Variants in GALNT18 observed in about 807,000 individuals in gnomAD.
GALNT18 encodes GalNAc-transferase 18.
GALNT18 carries 44 observed loss-of-function variants against 69.5 expected under a neutral mutation model. The ratio of observed to expected loss-of-function variants is 0.63; its 90% CI spans 0.50 to 0.81. The LOEUF (loss-of-function observed/expected upper bound fraction) is 0.81. Ranked by LOEUF, GALNT18 falls within the 40% of genes least tolerant of loss-of-function variation. The probability of loss-of-function intolerance (pLI) is 0.00; values close to 1 mark genes in which losing one functional copy is unlikely to be tolerated. For missense variants in GALNT18, 715 were observed against 810.0 expected (o/e 0.88, Z 1.42); for synonymous variants, 364 against 318.2 (o/e 1.14, Z -1.53).
chr11:11,316,667 T>C (rs1012640763), intron 9 of GALNT18, among the ~76,000 whole-genome samples: 3 of 152,146 alleles, frequency 2.0e-5, no homozygotes, highest in Admixed American at 6.5e-5. Flanking sequence ...TACCTTTCCA[T>C]AGAAAAAGCA....
rs576148638 is a variant in GALNT18 at position 11,401,173 on chromosome 11, A to T, written c.596-21909T>A. On this transcript the variant is annotated intron_variant, in intron 3 of 10. Coordinates refer to ENST00000227756, the MANE Select transcript of GALNT18 (RefSeq NM_198516.3). ...CCCAAACTCCATTCCGTCAGGAAAA[A>T]GGATGCTTCTGGATCCTTTGCAAAC... Among the ~76,000 whole-genome samples the T allele has an allele frequency of 4.6e-5, 7 of 152,288 alleles. No individual in the cohort carries two copies. The South Asian group carries it at 8.3e-4, about 18-fold the overall frequency.
intron 10 of GALNT18, among the ~76,000 whole-genome samples, chr11:11,288,959 A>G (rs568876261): frequency 4.7e-4 from 72 of 152,360 alleles, no homozygotes; most frequent in African/African-American, 1.7e-3. Context: ...TAAATAGTGC[A>G]TAATGTGAAA....
Position 11,372,581 on chromosome 11 carries a change from C to A in GALNT18, c.1026G>T (p.Gln342His). Residue 342 changes from glutamine to histidine, a missense_variant, in exon 6 of 11, where the codon CAG becomes CAT. Coordinates refer to ENST00000227756, the MANE Select transcript of GALNT18 (RefSeq NM_198516.3). This position sits in a 1 kb window ranked among gnomAD's most constrained non-coding sequence, Gnocchi z 4.9. The part of the protein sequence containing the change: ...GCFIVDRQYF[Q>H]EIGLLDEGME... ...TGCCTTCGTCCAGCAGGCCGATCTC[C>A]TGGAAGTACTGCCGGTCCACAATGA... The A allele has an allele frequency of 6.2e-7, 1 of 1,614,232 alleles. No individual in the cohort carries two copies. The highest frequency in any genetic ancestry group is 8.5e-7 in the Non-Finnish European group (1 of 1,180,040).
rs567035987 is a variant in GALNT18 at position 11,470,782 on chromosome 11, G to A, written c.236-21846C>T. On this transcript the variant is annotated intron_variant, in intron 1 of 10. Coordinates refer to ENST00000227756, the MANE Select transcript of GALNT18 (RefSeq NM_198516.3). The surrounding 1 kb of genome is among the most constrained non-coding windows in gnomAD (Gnocchi z 4.8). ...TCTCCCCAGACTACAGAACAGGAAG[G>A]ACTGCCAGGAAGTCAGGTACCATGG... Among the ~76,000 whole-genome samples, 1 of 152,098 alleles carries A rather than the reference G, an allele frequency of 6.6e-6. No individual in the cohort carries two copies. Among genetic ancestry groups the A allele is most frequent in the Non-Finnish European group, 1.5e-5 (1 of 68,020 alleles).
intron 3 of GALNT18, among the ~76,000 whole-genome samples, chr11:11,386,108 A>G (rs1238229780): frequency 2.6e-5 from 4 of 152,200 alleles, no homozygotes; most frequent in African/African-American, 9.7e-5. Context: ...CTCCGGAAGT[A>G]TGAAACAATG....
intron 6 of GALNT18, among the ~76,000 whole-genome samples, chr11:11,364,558 G>C (rs887190546): frequency 6.3e-4 from 88 of 140,242 alleles, no homozygotes; most frequent in Non-Finnish European, 1.2e-3. Context: ...CAAGAGGGGG[G>C]GAAAAAGAGA....
intron 6 of GALNT18, among the ~76,000 whole-genome samples, chr11:11,362,076 G>A (rs941151580): frequency 6.6e-6 from 1 of 152,122 alleles, no homozygotes; most frequent in African/African-American, 2.4e-5. Flanking sequence ...AAAACAGTGA[G>A]GAAAGATATT....
In GALNT18 at chr11:11,592,995, A is replaced by C. The variant is rs906702456; in HGVS notation, c.235+28364T>G. Among the ~76,000 whole-genome samples the C allele has an allele frequency of 1.3e-5, 2 of 152,016 alleles. No homozygotes were observed. Among genetic ancestry groups the C allele is most frequent in the Non-Finnish European group, 2.9e-5 (2 of 67,996 alleles). On this transcript the variant is annotated intron_variant, in intron 1 of 10. Coordinates refer to ENST00000227756, the MANE Select transcript of GALNT18 (RefSeq NM_198516.3). The surrounding 1 kb of genome is among the most constrained non-coding windows in gnomAD (Gnocchi z 5.9). Reference sequence around the variant, plus strand: ...CAGTGGCGCAATCTCAGCTCACTGCAAGCTGCGCCTCTCGGGTTCACGCCA... The same window carrying C: ...CAGTGGCGCAATCTCAGCTCACTGCCAGCTGCGCCTCTCGGGTTCACGCCA...
rs1050226929 is a variant in GALNT18 at position 11,586,247 on chromosome 11, G to T, written c.235+35112C>A. Among the ~76,000 whole-genome samples the T allele has an allele frequency of 6.6e-6, 1 of 152,106 alleles. No homozygotes were observed. Among genetic ancestry groups the T allele is most frequent in the Non-Finnish European group, 1.5e-5 (1 of 68,012 alleles). On this transcript the variant is annotated intron_variant, in intron 1 of 10. Coordinates refer to ENST00000227756, the MANE Select transcript of GALNT18 (RefSeq NM_198516.3). The surrounding 1 kb of genome is among the most constrained non-coding windows in gnomAD (Gnocchi z 4.1). ...TGTAGTTCTTTTTCACAAAAAGTGT[G>T]CTACTTATGTTAATTTATGTAATTG...
At position 11,505,471 on chromosome 11, in the gene GALNT18, C is replaced by A. The variant is rs1857052004; in HGVS notation, c.236-56535G>T. Among the ~76,000 whole-genome samples the A allele has an allele frequency of 6.6e-6, 1 of 152,082 alleles. No individual in the cohort carries two copies. Among genetic ancestry groups the A allele is most frequent in the Non-Finnish European group, 1.5e-5 (1 of 68,004 alleles). ...TCACAGCACTCTCTCCAGTGTCACC[C>A]AGAAACAACCTGCTCAGCAAAGAGC... On this transcript the variant is annotated intron_variant, in intron 1 of 10. Coordinates refer to ENST00000227756, the MANE Select transcript of GALNT18 (RefSeq NM_198516.3). The surrounding 1 kb of genome is among the most constrained non-coding windows in gnomAD (Gnocchi z 4.6).
At position 11,604,595 on chromosome 11, in the gene GALNT18, C is replaced by G. The variant is rs1020041127; in HGVS notation, c.235+16764G>C. On this transcript the variant is annotated intron_variant, in intron 1 of 10. Transcript: ENST00000227756. This position sits in a 1 kb window ranked among gnomAD's most constrained non-coding sequence, Gnocchi z 5.6. ...TGGCGGAGAGAAGGGTGATGTGGATCAGAATGCAGCCTTAGCAACCAGAAT... is the reference window on the plus strand; with the variant it reads ...TGGCGGAGAGAAGGGTGATGTGGATGAGAATGCAGCCTTAGCAACCAGAAT... Among the ~76,000 whole-genome samples the G allele has an allele frequency of 6.6e-6, 1 of 152,216 alleles. No homozygotes were observed. The highest frequency in any genetic ancestry group is 2.4e-5 in the African/African-American group (1 of 41,458).
intron 2 of GALNT18, among the ~76,000 whole-genome samples, chr11:11,441,121 T>C (rs1855523976): frequency 6.6e-6 from 1 of 152,168 alleles, no homozygotes; most frequent in African/African-American, 2.4e-5. Flanking sequence ...AGCAGCAGAG[T>C]AGAACAAAGC....
At chr11:11,450,880 A>C (rs1855778384) in intron 1 of GALNT18, among the ~76,000 whole-genome samples, 1 of 152,216 alleles carries the variant, frequency 6.6e-6, no homozygotes, top group African/African-American at 2.4e-5. Flanking sequence ...AAAGTGCAGT[A>C]GCTGGATTTC....
intron 1 of GALNT18, among the ~76,000 whole-genome samples, chr11:11,489,463 A>C (rs1028540791): frequency 1.5e-4 from 23 of 152,140 alleles, no homozygotes; most frequent in African/African-American, 5.1e-4. Flanking sequence ...AAGGAGGAAA[A>C]TGCCCACCTG....
At chr11:11,300,929 T>C (rs1246233044) in intron 9 of GALNT18, among the ~76,000 whole-genome samples, 6 of 151,900 alleles carry the variant, frequency 3.9e-5, no homozygotes, top group African/African-American at 1.5e-4. Flanking sequence ...AGCCTAGGAG[T>C]GAAATGTTGG....
In GALNT18 at chr11:11,413,939, G is replaced by T. The variant is rs113481686; in HGVS notation, c.595+18682C>A. ...TTTGGCACATTCAGGACTTCACACT[G>T]GATCTTACTCACCAAACCTGTTCTT... On this transcript the variant is annotated intron_variant, in intron 3 of 10. Transcript: ENST00000227756. The surrounding 1 kb of genome is among the most constrained non-coding windows in gnomAD (Gnocchi z 4.7). Among the ~76,000 whole-genome samples, 167 of 152,238 alleles carry T rather than the reference G, an allele frequency of 1.1e-3. 2 individuals are homozygous for T. The highest frequency in any genetic ancestry group is 3.9e-3 in the African/African-American group (160 of 41,546).
chr11:11,388,174 G>T (rs1387961618), intron 3 of GALNT18, among the ~76,000 whole-genome samples: 4 of 151,938 alleles, frequency 2.6e-5, no homozygotes, highest in African/African-American at 9.7e-5. Context: ...CACCTAATAG[G>T]CCCCACCCAT....
intron 1 of GALNT18, among the ~76,000 whole-genome samples, chr11:11,535,114 G>A (rs374328330): frequency 9.2e-5 from 14 of 152,230 alleles, no homozygotes; most frequent in African/African-American, 1.4e-4. Context: ...CCAAAGTCCC[G>A]TGGAGTATCT....
chr11:11,395,161 CT>C (rs1231127992), intron 3 of GALNT18, among the ~76,000 whole-genome samples: 1 of 152,222 alleles, frequency 6.6e-6, no homozygotes, highest in Non-Finnish European at 1.5e-5. Context: ...CAACCTGGGC[CT>C]TGTGAGGTCC....
Sources: allele counts gnomAD v4.1 joint callset (sites outside exome capture counted in the v4.1 genomes callset), GRCh38; gene constraint gnomAD v4.1.1; non-coding constraint Gnocchi (gnomAD v3.1); transcripts MANE v1.5; gene names NCBI Gene and HGNC (gene_info 2026-07-23, HGNC 2026-07-21).